Variants in GPR176 observed in about 807,000 individuals in gnomAD.
GPR176 encodes the protein G protein-coupled receptor 176, also known as G-protein coupled receptor 176.
In GPR176, 26 loss-of-function variants were observed where a neutral mutation model predicts 35.4. The ratio of observed to expected loss-of-function variants is 0.74; its 90% CI spans 0.54 to 1.02. GPR176 has a LOEUF of 1.02. GPR176 is among the 50% of genes least tolerant of loss of function. The pLI is 0.00. For synonymous variants in GPR176, 278 were observed against 271.3 expected (o/e 1.02, Z -0.24); for missense variants, 597 against 665.3 (o/e 0.90, Z 1.13).
rs980187773 is a variant in GPR176, at chr15:39,872,321, G to A, written c.172+47534C>T. On this transcript the variant is annotated intron_variant, in intron 1 of 2. Transcript: ENST00000561100. ...AGCAGGATGAAGTCAATGGTGGAGAGAAAGCTAAACATACACGATGTGTAC... is the reference window on the plus strand; with the variant it reads ...AGCAGGATGAAGTCAATGGTGGAGAAAAAGCTAAACATACACGATGTGTAC... Among the ~76,000 whole-genome samples the A allele has an allele frequency of 1.1e-3, 175 of 152,312 alleles. 2 individuals carry two copies. The highest frequency in any genetic ancestry group is 4.0e-3 in the African/African-American group (166 of 41,566).
intron 1 of GPR176, among the ~76,000 whole-genome samples, chr15:39,894,779 G>C (rs954485472): frequency 6.6e-6 from 1 of 152,140 alleles, no homozygotes; most frequent in Non-Finnish European, 1.5e-5. Context: ...CAGATGATGG[G>C]CGGCCAGGCA....
chr15:39,857,714 A>G lies in GPR176; in HGVS notation c.173-50456T>C, dbSNP rs553243187. ...CAGGGCGCGGTGGCTTGTGCCTGTA[A>G]TCCCAGCACTTTGGAAGGCCAAGGC... On this transcript the variant is annotated intron_variant, in intron 1 of 2. Coordinates refer to ENST00000561100, the MANE Select transcript of GPR176 (RefSeq NM_007223.3). 5.3e-4 allele frequency among the ~76,000 whole-genome samples: 80 copies of G among 152,048 alleles called. 2 individuals carry two copies. The highest frequency in any genetic ancestry group is 5.9e-4 in the Admixed American group (9 of 15,258).
chr15:39,919,888 C>T lies in GPR176; in HGVS notation c.139G>A (p.Val47Met). 1.3e-6 allele frequency: 2 copies of T among 1,508,814 alleles called. No individual in the cohort carries two copies. Among genetic ancestry groups the T allele is most frequent in the South Asian group, 1.3e-5 (1 of 76,858 alleles). The allele number at this position is 1,508,814 out of a possible 1,614,324, so 93.5% of individuals were successfully genotyped here. A position where few individuals can be genotyped will look rare whatever the true frequency, so the allele number is the denominator to read the frequency against. Residue 47 changes from valine to methionine, a missense_variant, in exon 1 of 3, where the codon GTG becomes ATG. This residue lies in a region of GPR176 where 126 missense variants were observed against 112.4 expected (regional missense o/e 1.12). Transcript: ENST00000561100. Reference sequence around the variant, plus strand: ...GAGCCTATGAAGATGACGACCTGCACGGTGGTGGTGAACTGGCGGTACAGC... The same window carrying T: ...GAGCCTATGAAGATGACGACCTGCATGGTGGTGGTGAACTGGCGGTACAGC... Reference protein sequence around the residue: ...AQLYRQFTTTVQVVIFIGSLL... With the variant: ...AQLYRQFTTTMQVVIFIGSLL...
intron 1 of GPR176, among the ~76,000 whole-genome samples, chr15:39,890,922 T>G (rs879843124): frequency 2.6e-5 from 4 of 152,182 alleles, no homozygotes; most frequent in Non-Finnish European, 5.9e-5. Context: ...CCTTCAAATT[T>G]ATAATTGTAG....
chr15:39,869,052 A>G (rs529813647), intron 1 of GPR176, among the ~76,000 whole-genome samples: 1 of 151,274 alleles, frequency 6.6e-6, no homozygotes, highest in African/African-American at 2.4e-5. Context: ...CCTACAGAAC[A>G]TTTTCTGAGA....
intron 1 of GPR176, among the ~76,000 whole-genome samples, chr15:39,914,009 G>A (rs1304433996): frequency 2.0e-5 from 3 of 152,134 alleles, no homozygotes; most frequent in Non-Finnish European, 2.9e-5. Flanking sequence ...TAGCGCCACC[G>A]CACTCCAGCC....
At chr15:39,848,153 A>G (rs1376036209) in intron 1 of GPR176, among the ~76,000 whole-genome samples, 2 of 152,184 alleles carry the variant, frequency 1.3e-5, no homozygotes, top group African/African-American at 4.8e-5. Context: ...TTACAATTCG[A>G]CATGAGATTT....
intron 1 of GPR176, among the ~76,000 whole-genome samples, chr15:39,898,685 C>G (rs1014222325): frequency 3.9e-5 from 6 of 152,074 alleles, no homozygotes; most frequent in African/African-American, 1.4e-4. Context: ...GATGTCACTA[C>G]AAGAAGCCAG....
At chr15:39,858,022 G>A (rs1271878632) in intron 1 of GPR176, among the ~76,000 whole-genome samples, 1 of 150,768 alleles carries the variant, frequency 6.6e-6, no homozygotes, top group Non-Finnish European at 1.5e-5. Context: ...GAAACTCTAA[G>A]CCAGTACTGA....
intron 1 of GPR176, among the ~76,000 whole-genome samples, chr15:39,852,452 C>T (rs2030937672): frequency 6.6e-6 from 1 of 152,200 alleles, no homozygotes; most frequent in South Asian, 2.1e-4. Flanking sequence ...CTAATCCTTA[C>T]ACAAGAGCTA....
intron 1 of GPR176, among the ~76,000 whole-genome samples, chr15:39,886,431 C>T (rs1407559516): frequency 1.3e-5 from 2 of 152,052 alleles, no homozygotes; most frequent in African/African-American, 4.8e-5. Context: ...CTTCATCCCC[C>T]ACCCCCATCT....
At chr15:39,913,688 G>A (rs1257320234) in intron 1 of GPR176, among the ~76,000 whole-genome samples, 2 of 152,204 alleles carry the variant, frequency 1.3e-5, no homozygotes, top group African/African-American at 4.8e-5. Flanking sequence ...TTCTTTATGG[G>A]ATGATAAAAA....
intron 1 of GPR176, among the ~76,000 whole-genome samples, chr15:39,909,478 A>C (rs1595524421): frequency 1.3e-5 from 2 of 152,292 alleles, no homozygotes; most frequent in East Asian, 1.9e-4. Flanking sequence ...TTCTTCATAC[A>C]CTGGCTAGTT....
intron 1 of GPR176, among the ~76,000 whole-genome samples, chr15:39,894,304 G>A (rs868440108): frequency 2.0e-4 from 19 of 96,002 alleles, no homozygotes; most frequent in Middle Eastern, 8.2e-3. Context: ...CTGGCCGGGC[G>A]GGGGGCTGAC....
chr15:39,818,611 C>T (rs1210847741), intron 1 of GPR176, among the ~76,000 whole-genome samples: 4 of 152,174 alleles, frequency 2.6e-5, no homozygotes, highest in East Asian at 1.9e-4. Context: ...ACAACAAATG[C>T]GCATATCTTT....
At chr15:39,809,583 A>G (rs1899411236) in intron 1 of GPR176, among the ~76,000 whole-genome samples, 1 of 152,182 alleles carries the variant, frequency 6.6e-6, no homozygotes, top group Non-Finnish European at 1.5e-5. Flanking sequence ...GTCACATTCT[A>G]AGTCACCTAA....
intron 1 of GPR176, among the ~76,000 whole-genome samples, chr15:39,899,964 C>T (rs1038313136): frequency 6.6e-6 from 1 of 151,992 alleles, no homozygotes; most frequent in African/African-American, 2.4e-5. Flanking sequence ...GACCGTTAAA[C>T]TCTTTTTTAA....
intron 1 of GPR176, among the ~76,000 whole-genome samples, chr15:39,873,648 C>A (rs2032134863): frequency 7.1e-6 from 1 of 140,610 alleles, no homozygotes; most frequent in Admixed American, 7.2e-5. Flanking sequence ...ACTAGTTTTT[C>A]TTATTAATAT....
chr15:39,809,684 T>C (rs1011834748), intron 1 of GPR176, among the ~76,000 whole-genome samples: 1 of 152,152 alleles, frequency 6.6e-6, no homozygotes, highest in African/African-American at 2.4e-5. Context: ...ATGACAATAC[T>C]CAACGCCATT....
Sources: allele counts gnomAD v4.1 joint callset (sites outside exome capture counted in the v4.1 genomes callset), GRCh38; gene constraint gnomAD v4.1.1; regional missense constraint gnomAD v4.1.1; transcripts MANE v1.5; gene names NCBI Gene and HGNC (gene_info 2026-07-23, HGNC 2026-07-21).